GRIP1: variants seen among roughly 807,000 people sequenced by gnomAD.
GRIP1 encodes glutamate receptor interacting protein 1.
A neutral mutation model predicts 129.9 loss-of-function variants in GRIP1; 45 were observed. That is an observed-to-expected ratio of 0.35 (90% CI 0.27 to 0.44). The LOEUF (loss-of-function observed/expected upper bound fraction) is 0.44, where lower values mean the gene tolerates loss of function less well. Among genes scored for constraint, GRIP1 ranks in the 20% least tolerant of loss-of-function variants. GRIP1 has a pLI of 1.00. For missense variants in GRIP1, 1,196 were observed against 1,396.8 expected (o/e 0.86, Z 2.29); for synonymous variants, 530 against 520.8 (o/e 1.02, Z -0.24).
chr12:66,843,077 G>C (rs1435240815), intron 1 of GRIP1, among the ~76,000 whole-genome samples: 1 of 152,020 alleles, frequency 6.6e-6, no homozygotes, highest in African/African-American at 2.4e-5. Context: ...AAAATATCTA[G>C]TAATAGTGTA....
At chr12:67,047,264 T>C (rs751217610) in intron 1 of GRIP1, among the ~76,000 whole-genome samples, 3 of 152,176 alleles carry the variant, frequency 2.0e-5, no homozygotes, top group African/African-American at 4.8e-5. Context: ...ATAATGACAA[T>C]TGAGTTTAAT....
chr12:66,785,339 C>T (rs5008780), intron 1 of GRIP1, among the ~76,000 whole-genome samples: 6,479 of 35,176 alleles, frequency 0.18, 348 homozygotes, highest in Middle Eastern at 0.36. Flanking sequence ...TACATACATA[C>T]ATACATATAT....
At position 66,397,133 on chromosome 12, in the gene GRIP1, AAG is replaced by A. The variant is rs1565698203; in HGVS notation, c.1985-2783_1985-2782del. On this transcript the variant is annotated intron_variant, in intron 16 of 24. Coordinates refer to ENST00000359742, the MANE Select transcript of GRIP1 (RefSeq NM_001366722.1). Reference sequence around the variant, plus strand: ...CTCAAAAAAAAAAAAAAAAAAAAAAAAGAGAAAAGGGAGATTTAAGAGACATT... The same window carrying A: ...CTCAAAAAAAAAAAAAAAAAAAAAAAAGAAAAGGGAGATTTAAGAGACATT... Among the ~76,000 whole-genome samples the A allele has an allele frequency of 2.0e-5, 3 of 150,760 alleles. No homozygotes were observed. In the South Asian group the frequency reaches 6.2e-4, roughly 31 times the overall value.
At chr12:66,872,612 T>C (rs948145098) in intron 1 of GRIP1, among the ~76,000 whole-genome samples, 3 of 151,882 alleles carry the variant, frequency 2.0e-5, no homozygotes, top group South Asian at 2.1e-4. Context: ...AAAATATATA[T>C]AAAAAAACAT....
At chr12:66,729,430 C>G (rs2036359553) in intron 1 of GRIP1, among the ~76,000 whole-genome samples, 1 of 152,120 alleles carries the variant, frequency 6.6e-6, no homozygotes, top group African/African-American at 2.4e-5. Context: ...ATGCACTTAA[C>G]ATTACATATT....
rs117693992 is a variant in GRIP1, at chr12:66,989,043, A to G, written c.58+80007T>C. ...AACAGTGCAAAATTCCACCTTCTCA[A>G]CAGTCCCCTAAGAAAGATATTATTA... On this transcript the variant is annotated intron_variant, in intron 1 of 1. Coordinates refer to the GRIP1 transcript ENST00000643019. 4.5e-3 allele frequency among the ~76,000 whole-genome samples: 686 copies of G among 152,294 alleles called. 4 individuals are homozygous for G. Among genetic ancestry groups the G allele is most frequent in the Admixed American group, 0.011 (163 of 15,294 alleles).
intron 1 of GRIP1, among the ~76,000 whole-genome samples, chr12:66,734,378 C>A (rs2136515276): frequency 6.6e-6 from 1 of 152,262 alleles, no homozygotes; most frequent in East Asian, 1.9e-4. Context: ...GATCAGACCT[C>A]CAAATTGCTT....
At chr12:66,823,138 T>A (rs1019097961) in intron 1 of GRIP1, among the ~76,000 whole-genome samples, 2 of 152,122 alleles carry the variant, frequency 1.3e-5, no homozygotes, top group Non-Finnish European at 2.9e-5. Context: ...TGTTTTCTGA[T>A]CTATAAAATG....
rs577531120 is a variant in GRIP1, at chr12:66,607,297, A to G, written c.56-10370T>C. On this transcript the variant is annotated intron_variant, in intron 1 of 24. Coordinates refer to ENST00000359742, the MANE Select transcript of GRIP1 (RefSeq NM_001366722.1). ...ATAAACAAATCACTTGAATGAATGCATTTTAGCCAAGAAGCTCCAAGCATT... is the reference window on the plus strand; with the variant it reads ...ATAAACAAATCACTTGAATGAATGCGTTTTAGCCAAGAAGCTCCAAGCATT... 2.2e-3 allele frequency among the ~76,000 whole-genome samples: 328 copies of G among 152,338 alleles called. 2 individuals carry two copies. The highest frequency in any genetic ancestry group is 7.5e-3 in the African/African-American group (312 of 41,588).
intron 1 of GRIP1, among the ~76,000 whole-genome samples, chr12:66,888,317 T>G (rs1402239799): frequency 2.6e-5 from 4 of 151,830 alleles, no homozygotes; most frequent in African/African-American, 9.7e-5. Context: ...TACCTCAGCC[T>G]CCCAAAGTGC....
chr12:66,754,039 C>T (rs927173994), intron 1 of GRIP1, among the ~76,000 whole-genome samples: 1 of 152,222 alleles, frequency 6.6e-6, no homozygotes, highest in Non-Finnish European at 1.5e-5. Flanking sequence ...CTCCTTTTAA[C>T]ACTTAGCAGT....
chr12:66,736,747 A>G (rs185882209), intron 1 of GRIP1, among the ~76,000 whole-genome samples: 47 of 152,254 alleles, frequency 3.1e-4, no homozygotes, highest in Middle Eastern at 3.4e-3. Context: ...CCTGAAAAAA[A>G]GTTATATGAA....
intron 1 of GRIP1, among the ~76,000 whole-genome samples, chr12:66,734,424 G>T (rs922227139): frequency 6.6e-6 from 1 of 152,162 alleles, no homozygotes; most frequent in African/African-American, 2.4e-5. Flanking sequence ...TCTATGAACT[G>T]TCAGGGGCGA....
intron 15 of GRIP1, among the ~76,000 whole-genome samples, chr12:66,418,990 C>A (rs922000713): frequency 6.6e-6 from 1 of 152,150 alleles, no homozygotes; most frequent in Non-Finnish European, 1.5e-5. Context: ...GATATCTGCA[C>A]TCCTATGTTT....
At chr12:66,582,051 T>C (rs1372015734) in intron 2 of GRIP1, among the ~76,000 whole-genome samples, 2 of 152,122 alleles carry the variant, frequency 1.3e-5, no homozygotes, top group Non-Finnish European at 1.5e-5. Context: ...AAAAAGCTTA[T>C]CCACCATGAT....
intron 16 of GRIP1, among the ~76,000 whole-genome samples, chr12:66,401,598 G>GTGTATATATATATA (rs71096098): frequency 0.14 from 9,006 of 65,268 alleles, 835 homozygotes; most frequent in South Asian, 0.18. Context: ...AAATATGTGT[G>GTGTATATATATATA]TATATATATA....
At chr12:66,654,497 A>G (rs551063260) in intron 1 of GRIP1, among the ~76,000 whole-genome samples, 2 of 152,228 alleles carry the variant, frequency 1.3e-5, no homozygotes, top group Non-Finnish European at 2.9e-5. Context: ...CTGGTTAAGT[A>G]TCAGAGCACT....
chr12:66,551,527 A>T (rs1334254673), intron 2 of GRIP1, among the ~76,000 whole-genome samples: 7 of 144,052 alleles, frequency 4.9e-5, no homozygotes, highest in African/African-American at 1.8e-4. Context: ...GGAGGAAATC[A>T]TTTATTTTTG....
chr12:66,597,697 C>T (rs12228012), intron 1 of GRIP1, among the ~76,000 whole-genome samples: 11,377 of 152,056 alleles, frequency 0.075, 503 homozygotes, highest in East Asian at 0.12. Flanking sequence ...AGCTGAATGA[C>T]TAAAACAGCA....
Sources: gnomAD v4.1 joint callset for allele counts (sites outside exome capture counted in the v4.1 genomes callset) on GRCh38, gnomAD v4.1.1 for gene constraint, MANE v1.5 for transcripts, NCBI Gene and HGNC (gene_info 2026-07-23, HGNC 2026-07-21) for gene names.